Variants in MYL6B observed in about 807,000 individuals in gnomAD.
The protein encoded by MYL6B is myosin light chain 6B.
In MYL6B, 19 loss-of-function variants were observed where a neutral mutation model predicts 24.5. The observed-to-expected ratio is 0.78, with a 90% CI of 0.54 to 1.14. MYL6B has a LOEUF of 1.14. Among genes scored for constraint, MYL6B ranks in the 50% most tolerant of loss-of-function variants. The pLI, the probability that MYL6B is intolerant of heterozygous loss-of-function variation, is 0.00. For missense variants in MYL6B, 230 were observed against 263.8 expected (o/e 0.87, Z 0.89); for synonymous variants, 90 against 100.7 (o/e 0.89, Z 0.64).
At chr12:56,156,059 A>G (rs2136905604) in intron 5 of MYL6B, 1 of 1,079,138 alleles carries the variant, frequency 9.3e-7, no homozygotes, top group East Asian at 9.2e-5. Context: ...TAATCCCAGC[A>G]TTTTGGGAGA....
chr12:56,157,821 A>G, exon 7 of MYL6B: 1 of 1,477,836 alleles, frequency 6.8e-7, no homozygotes, highest in African/African-American at 1.4e-5. Flanking sequence ...AGCGGAGTTC[A>G]TTCTGCTGTC....
chr12:56,157,499 C>G (rs1335744041), exon 6 of MYL6B: 32 of 1,613,888 alleles, frequency 2.0e-5, no homozygotes, highest in Non-Finnish European at 2.5e-5. Context: ...AGGTGGAGAC[C>G]GTTCTGGCAG....
chr12:56,154,719 C>T, intron 2 of MYL6B, 94 bp from the exon 3 acceptor site: 2 of 1,435,974 alleles, frequency 1.4e-6, no homozygotes, highest in Non-Finnish European at 1.9e-6. Context: ...CCTTTGGGCC[C>T]CTCCTCAGAA....
exon 7 of MYL6B, chr12:56,157,762 G>A (rs1442717539): frequency 3.7e-6 from 6 of 1,606,428 alleles, no homozygotes; most frequent in Non-Finnish European, 5.1e-6. Context: ...CCTTCGCCGC[G>A]CCTTACGAGG....
At chr12:56,155,773 T>C in intron 5 of MYL6B, 181 bp downstream of exon 5, 1 of 1,520,512 alleles carries the variant, frequency 6.6e-7, no homozygotes, top group Non-Finnish European at 8.8e-7. Context: ...TTCCAGAGGC[T>C]AAAGTGCCAT....
At chr12:56,154,225 C>T (rs887679199) in intron 2 of MYL6B, 133 bp downstream of exon 2, 1 of 910,728 alleles carries the variant, frequency 1.1e-6, no homozygotes, top group African/African-American at 1.7e-5. Context: ...TTCCCTTAGT[C>T]CCCCATTTGG....
Position 56,154,938 on chromosome 12 carries a change from C to G in MYL6B, c.202+98C>G, listed in dbSNP as rs1871248900. 4 of 1,560,896 alleles carry G rather than the reference C, an allele frequency of 2.6e-6. No individual in the cohort carries two copies. The African/African-American group carries it at 5.5e-5, about 21-fold the overall frequency. ...ACCCCAGTCCTGACCTTGAAACCTC[C>G]CATACTAGTCCTCTTTTCCTCCCTT... On this transcript the variant is annotated intron_variant, in intron 3 of 6. Coordinates refer to ENST00000553066, the Ensembl canonical transcript of MYL6B.
At chr12:56,153,520 C>G in intron 1 of MYL6B, 1 of 978,106 alleles carries the variant, frequency 1.0e-6, no homozygotes, top group South Asian at 4.7e-5. Context: ...ACCCCTCACC[C>G]CACCCTTCAA....
chr12:56,157,047 C>CA (rs34843827), intron 5 of MYL6B: 31,989 of 110,258 alleles, frequency 0.29, 4,216 homozygotes, highest in Non-Finnish European at 0.36. Context: ...GACCCTATCT[C>CA]AAAAAAAAAA....
Position 56,157,754 on chromosome 12 carries a change from T to G in MYL6B, c.*28T>G. The stretch of plus-strand genomic sequence containing the variant: ...GCTGCAGGTAGGGCCCTCCCACCCC[T>G]TCGCCGCGCCTTACGAGGCAAGTCT... On this transcript the variant is annotated 3_prime_UTR_variant, in exon 7 of 7. Coordinates refer to ENST00000553066, the Ensembl canonical transcript of MYL6B. 1 of 1,606,720 alleles carries G rather than the reference T, an allele frequency of 6.2e-7. No individual in the cohort carries two copies. The highest frequency in any genetic ancestry group is 2.2e-5 in the East Asian group (1 of 44,816).
At chr12:56,157,829 G>GCT in exon 7 of MYL6B, 1 of 1,423,594 alleles carries the variant, frequency 7.0e-7, no homozygotes, top group Non-Finnish European at 9.6e-7. Context: ...TCATTCTGCT[G>GCT]TCCGGTTGCT....
chr12:56,154,692 G>A, intron 2 of MYL6B, 121 bp from the exon 3 acceptor site: 1 of 1,105,950 alleles, frequency 9.0e-7, no homozygotes, highest in East Asian at 2.4e-5. Context: ...TGAGGTGGCT[G>A]GGCTTCCAGC....
chr12:56,157,330 G>T lies in MYL6B; in HGVS notation c.521-138G>T, dbSNP rs776009889. The stretch of plus-strand genomic sequence containing the variant: ...ACACGGGAGGCGGAGGTTGCAGTGA[G>T]CCGAGATCGCTCCGCTCCACTGCAC... On this transcript the variant is annotated intron_variant, in intron 5 of 6. Coordinates refer to ENST00000553066, the Ensembl canonical transcript of MYL6B. 2.6e-4 allele frequency: 192 copies of T among 747,034 alleles called. 1 individual carries two copies. The highest frequency in any genetic ancestry group is 1.5e-3 in the East Asian group (56 of 36,210). 46.3% of individuals were successfully genotyped at this position (747,034 alleles called of 1,614,324 possible).
intron 2 of MYL6B, among the ~76,000 whole-genome samples, chr12:56,154,328 C>T (rs925427399): frequency 1.3e-5 from 2 of 152,168 alleles, no homozygotes; most frequent in Non-Finnish European, 1.5e-5. Context: ...ACTCACTTAC[C>T]CCCTGCTGGA....
At position 56,155,740 on chromosome 12, in the gene MYL6B, G is replaced by C. The variant is rs1871283447; in HGVS notation, c.520+148G>C. The C allele has an allele frequency of 5.8e-6, 9 of 1,538,500 alleles. No homozygotes were observed. In the East Asian group the frequency reaches 2.2e-4, roughly 38 times the overall value. ...AGACTGAGAAGGTCAGAGCTATGGG[G>C]GTAGAATCTGAAGGACTCGCTCTTC... On this transcript the variant is annotated intron_variant, in intron 5 of 6. Transcript: ENST00000553066.
At chr12:56,155,514 G>C in exon 5 of MYL6B, 1 of 1,614,052 alleles carries the variant, frequency 6.2e-7, no homozygotes, top group Non-Finnish European at 8.5e-7. Flanking sequence ...GGACTACTTG[G>C]AGGGGTTTCG....
chr12:56,157,307 A>T, intron 5 of MYL6B, 161 bp from the exon 6 acceptor site: 1 of 627,896 alleles, frequency 1.6e-6, no homozygotes, highest in Non-Finnish European at 2.8e-6. Context: ...TCGCGTGAAC[A>T]CGGGAGGCGG....
At chr12:56,156,072 A>C in intron 5 of MYL6B, 3 of 1,060,270 alleles carry the variant, frequency 2.8e-6, no homozygotes, top group Admixed American at 5.0e-5. Context: ...TTGGGAGACC[A>C]AGGCGGGCGG....
chr12:56,155,795 A>T, intron 5 of MYL6B: 1 of 1,497,400 alleles, frequency 6.7e-7, no homozygotes, highest in Non-Finnish European at 8.9e-7. Context: ...CGGAGGGCAG[A>T]GGAAAAGGGA....
Sources: allele counts gnomAD v4.1 joint callset (sites outside exome capture counted in the v4.1 genomes callset), GRCh38; gene constraint gnomAD v4.1.1; transcripts MANE v1.5; gene names NCBI Gene and HGNC (gene_info 2026-07-23, HGNC 2026-07-21).